SRGAP3: variants seen among roughly 807,000 people sequenced by gnomAD.
SRGAP3 encodes the protein SLIT-ROBO Rho GTPase activating protein 3.
In SRGAP3, 39 loss-of-function variants were observed where a neutral mutation model predicts 121.1. The ratio of observed to expected loss-of-function variants is 0.32; its 90% CI spans 0.25 to 0.42. SRGAP3 has a LOEUF of 0.42. SRGAP3 is among the 10% of genes least tolerant of loss of function. The pLI is 1.00. For missense variants in SRGAP3, 1,213 were observed against 1,470.6 expected (o/e 0.82, Z 2.86); for synonymous variants, 601 against 570.0 (o/e 1.05, Z -0.77).
At chr3:9,298,803 G>C (rs1954997378) in intron 3 of SRGAP3, among the ~76,000 whole-genome samples, 1 of 151,054 alleles carries the variant, frequency 6.6e-6, no homozygotes, top group South Asian at 2.1e-4. Flanking sequence ...TGTAATCTCA[G>C]CATTTTGGGA....
intron 3 of SRGAP3, among the ~76,000 whole-genome samples, chr3:9,258,319 G>A (rs907588910): frequency 6.6e-6 from 1 of 152,208 alleles, no homozygotes; most frequent in Non-Finnish European, 1.5e-5. Flanking sequence ...TAAGGGAACT[G>A]CATGAGCCAA....
Position 9,239,313 on chromosome 3 carries a change from T to G in SRGAP3, c.67+9572A>C, listed in dbSNP as rs1953540042. ...AAGAATCACTTAAATCCAACAGGCA[T>G]AGGTTGCAGTGAGCCAAGGTTGCAC... On this transcript the variant is annotated intron_variant, in intron 1 of 21. Coordinates refer to ENST00000383836, the MANE Select transcript of SRGAP3 (RefSeq NM_014850.4). The surrounding 1 kb of genome is among the most constrained non-coding windows in gnomAD (Gnocchi z 4.0). Among the ~76,000 whole-genome samples, 1 of 152,094 alleles carries G rather than the reference T, an allele frequency of 6.6e-6. No individual in the cohort carries two copies. The highest frequency in any genetic ancestry group is 1.5e-5 in the Non-Finnish European group (1 of 68,006).
At chr3:9,194,237 G>T (rs1000544437) in intron 1 of SRGAP3, 6 of 152,160 alleles carry the variant, frequency 3.9e-5, no homozygotes, top group African/African-American at 1.4e-4. Flanking sequence ...ATGGAAAATA[G>T]TTGAAAGCAC....
intron 1 of SRGAP3, among the ~76,000 whole-genome samples, chr3:9,195,519 G>C (rs1412094111): frequency 6.6e-6 from 1 of 152,088 alleles, no homozygotes; most frequent in Non-Finnish European, 1.5e-5. Context: ...ATCAGGCCCA[G>C]ACTAGGATTA....
chr3:9,241,053 C>T (rs984154438), intron 1 of SRGAP3, among the ~76,000 whole-genome samples: 5 of 152,250 alleles, frequency 3.3e-5, no homozygotes, highest in African/African-American at 9.6e-5. Flanking sequence ...TCGTGCACCC[C>T]GGAAAGTGAG....
chr3:9,285,741 C>T (rs1030052828), intron 3 of SRGAP3, among the ~76,000 whole-genome samples: 1 of 150,720 alleles, frequency 6.6e-6, no homozygotes, highest in Admixed American at 6.6e-5. Context: ...CAAAGTCCAG[C>T]CTGGGCAACA....
At chr3:9,342,134 T>G (rs1955797793) in intron 1 of SRGAP3, among the ~76,000 whole-genome samples, 1 of 152,140 alleles carries the variant, frequency 6.6e-6, no homozygotes, top group African/African-American at 2.4e-5. Flanking sequence ...GCGAATCACC[T>G]GAGGCCAGGA....
intron 18 of SRGAP3, among the ~76,000 whole-genome samples, chr3:8,997,744 C>T (rs537684752): frequency 6.6e-6 from 1 of 152,322 alleles, no homozygotes; most frequent in South Asian, 2.1e-4. Flanking sequence ...TTCCGCTATG[C>T]ACATTTTACG....
chr3:9,014,178 G>C, intron 15 of SRGAP3: 1 of 403,648 alleles, frequency 2.5e-6, no homozygotes, highest in East Asian at 5.4e-5. Context: ...CCACCTAAGA[G>C]TGAAGCTGGC....
At chr3:9,103,499 C>T (rs562450273) in intron 3 of SRGAP3, among the ~76,000 whole-genome samples, 1 of 152,262 alleles carries the variant, frequency 6.6e-6, no homozygotes, top group African/African-American at 2.4e-5. Context: ...AGGCACAGAG[C>T]ATTGAAGTAA....
chr3:9,235,705 C>T (rs1033184955), intron 1 of SRGAP3: 1 of 151,896 alleles, frequency 6.6e-6, no homozygotes, highest in African/African-American at 2.4e-5. Context: ...AGTGTTTCAC[C>T]GTGTTAGCCA....
chr3:9,176,410 CTGTTATTAGTATA>C (rs1213965392), intron 1 of SRGAP3, among the ~76,000 whole-genome samples: 4 of 152,174 alleles, frequency 2.6e-5, no homozygotes, highest in African/African-American at 9.7e-5. Context: ...ATAAATATTA[CTGTTATTAGTATA>C]TGTTGTGACT....
chr3:9,357,047 G>C (rs1369679526), intron 1 of SRGAP3, among the ~76,000 whole-genome samples: 1 of 151,930 alleles, frequency 6.6e-6, no homozygotes. Context: ...CAGATCACTT[G>C]AGCTCAGGAG....
At chr3:9,270,801 C>G (rs1954459456) in intron 3 of SRGAP3, among the ~76,000 whole-genome samples, 1 of 151,936 alleles carries the variant, frequency 6.6e-6, no homozygotes, top group South Asian at 2.1e-4. Context: ...ATTATTTAAG[C>G]AAGAGATTTT....
At chr3:9,067,275 A>G (rs1946475431) in intron 4 of SRGAP3, among the ~76,000 whole-genome samples, 1 of 152,056 alleles carries the variant, frequency 6.6e-6, no homozygotes, top group Non-Finnish European at 1.5e-5. Context: ...TTTTTATGCC[A>G]TGTTTCTCCC....
intron 3 of SRGAP3, among the ~76,000 whole-genome samples, chr3:9,320,293 G>C (rs565779440): frequency 6.6e-6 from 1 of 152,044 alleles, no homozygotes; most frequent in African/African-American, 2.4e-5. Flanking sequence ...ATATGGTTTG[G>C]ATCTGTGTTC....
At chr3:9,175,974 T>C (rs1222040828) in intron 1 of SRGAP3, among the ~76,000 whole-genome samples, 2 of 151,996 alleles carry the variant, frequency 1.3e-5, no homozygotes, top group Admixed American at 6.6e-5. Flanking sequence ...CAGGCTGGAG[T>C]GCGATGGCGC....
At chr3:9,038,142 A>G (rs1174371963) in intron 10 of SRGAP3, 52 bp from the exon 11 acceptor site, 9 of 1,609,492 alleles carry the variant, frequency 5.6e-6, no homozygotes, top group Non-Finnish European at 7.7e-6. Context: ...TTTTAATCCA[A>G]AGAACATTCA....
At chr3:9,046,832 TTTTC>T (rs1369278433) in intron 10 of SRGAP3, among the ~76,000 whole-genome samples, 4 of 133,128 alleles carry the variant, frequency 3.0e-5, no homozygotes, top group Non-Finnish European at 3.4e-5. Context: ...TTTTCTTTTC[TTTTC>T]TTTTTTTTTT....
Sources: gnomAD v4.1 joint callset for allele counts (sites outside exome capture counted in the v4.1 genomes callset) on GRCh38, gnomAD v4.1.1 for gene constraint, Gnocchi (gnomAD v3.1) non-coding constraint, MANE v1.5 for transcripts, NCBI Gene and HGNC (gene_info 2026-07-23, HGNC 2026-07-21) for gene names.